Variants in SPATS2 observed in about 807,000 individuals in gnomAD.
The protein encoded by SPATS2 is spermatogenesis-associated serine-rich protein 2.
Under a neutral mutation model 63.7 loss-of-function variants are expected in SPATS2, and 38 were observed. That is an observed-to-expected ratio of 0.60 (90% CI 0.46 to 0.78). The LOEUF (loss-of-function observed/expected upper bound fraction) is 0.78, where lower values mean the gene tolerates loss of function less well. SPATS2 is among the 30% of genes least tolerant of loss of function. The probability of loss-of-function intolerance (pLI) is 0.00; values close to 1 mark genes in which losing one functional copy is unlikely to be tolerated. For missense variants in SPATS2, 588 were observed against 666.2 expected (o/e 0.88, Z 1.29); for synonymous variants, 207 against 232.9 (o/e 0.89, Z 1.01).
At chr12:49,449,256 C>T (rs2137599553) in intron 2 of SPATS2, among the ~76,000 whole-genome samples, 1 of 152,288 alleles carries the variant, frequency 6.6e-6, no homozygotes, top group Middle Eastern at 3.4e-3. Context: ...CGCTCTGTCG[C>T]CCAAGCTGGA....
chr12:49,409,498 G>T (rs11838204), intron 2 of SPATS2, among the ~76,000 whole-genome samples: 2,263 of 151,214 alleles, frequency 0.015, 57 homozygotes, highest in African/African-American at 0.052. Context: ...GTAGAGATGG[G>T]GTTTCACTGT....
intron 2 of SPATS2, among the ~76,000 whole-genome samples, chr12:49,436,151 T>C (rs1404171730): frequency 6.6e-6 from 1 of 151,908 alleles, no homozygotes; most frequent in Non-Finnish European, 1.5e-5. Flanking sequence ...CTCAATGAGC[T>C]GTTGAGTACA....
Position 49,408,786 on chromosome 12 carries a change from CCT to C in SPATS2, c.-244+37498_-244+37499del, listed in dbSNP as rs1325361774. Among the ~76,000 whole-genome samples the C allele has an allele frequency of 2.0e-4, 31 of 152,164 alleles. No homozygotes were observed. In the South Asian group the frequency reaches 5.2e-3, roughly 26 times the overall value. On this transcript the variant is annotated intron_variant, in intron 2 of 13. Transcript: ENST00000552918. ...GGCCAGGCTGGTCTCGAACTCCTGACCTCAGGTGATCCACCCACCTCGGCTTC... is the reference window on the plus strand; with the variant it reads ...GGCCAGGCTGGTCTCGAACTCCTGACCAGGTGATCCACCCACCTCGGCTTC...
chr12:49,518,022 C>T (rs1327897426), intron 10 of SPATS2, among the ~76,000 whole-genome samples: 1 of 152,176 alleles, frequency 6.6e-6, no homozygotes, highest in Non-Finnish European at 1.5e-5. Flanking sequence ...TCCAAAGTCT[C>T]ATCTAGTTAG....
At chr12:49,463,711 TAAA>T (rs1389597016) in intron 3 of SPATS2, 1 of 152,356 alleles carries the variant, frequency 6.6e-6, no homozygotes, top group South Asian at 2.1e-4. Flanking sequence ...TATACTACAT[TAAA>T]AAGAAGGGTC....
At chr12:49,457,728 CG>C (rs1565731804) in intron 2 of SPATS2, among the ~76,000 whole-genome samples, 2 of 152,112 alleles carry the variant, frequency 1.3e-5, no homozygotes, top group African/African-American at 4.8e-5. Context: ...CCACCATGCC[CG>C]GCCTCATCCT....
chr12:49,431,309 C>T (rs533076131), intron 2 of SPATS2, among the ~76,000 whole-genome samples: 4 of 152,032 alleles, frequency 2.6e-5, no homozygotes, highest in South Asian at 2.1e-4. Context: ...AGTGCAGTGG[C>T]GCGATCTTGG....
chr12:49,400,797 T>C (rs1162337479), intron 2 of SPATS2, among the ~76,000 whole-genome samples: 1 of 152,238 alleles, frequency 6.6e-6, no homozygotes, highest in Non-Finnish European at 1.5e-5. Flanking sequence ...TTGATTGTCA[T>C]GCTGAGCTAA....
rs1375522169 is a variant in SPATS2 at position 49,460,929 on chromosome 12, T to C, written c.-84T>C. On this transcript the variant is annotated 5_prime_UTR_variant, in exon 3 of 14. Coordinates refer to ENST00000552918, the MANE Select transcript of SPATS2 (RefSeq NM_023071.4). ...ACTGCACACTTCCGTTGCCCACTTT[T>C]AAATCAGAGATACCTACACTCAAAA... is the stretch of plus-strand genomic sequence containing the variant. The C allele has an allele frequency of 9.1e-6, 14 of 1,544,750 alleles. No homozygotes were observed. In the East Asian group the frequency reaches 3.0e-4, roughly 33 times the overall value.
chr12:49,500,128 G>T lies in SPATS2; in HGVS notation c.762G>T (p.Arg254=). 2 of 1,611,158 alleles carry T rather than the reference G, an allele frequency of 1.2e-6. No homozygotes were observed. Among genetic ancestry groups the T allele is most frequent in the Non-Finnish European group, 1.7e-6 (2 of 1,178,972 alleles). ...DLQRCTVSLA[R]YRVVVKEEMD... ...AGCGCTGCACAGTGTCTCTTGCACGGTATCGAGTTGTAGTTAAAGAAGAGA... is the reference window on the plus strand; with the variant it reads ...AGCGCTGCACAGTGTCTCTTGCACGTTATCGAGTTGTAGTTAAAGAAGAGA... The change falls in exon 9 of 14, where the codon CGG becomes CGT. Residue 254 remains arginine, a synonymous_variant. Transcript: ENST00000552918.
At chr12:49,441,678 C>T (rs1250534040) in intron 2 of SPATS2, 4 of 152,118 alleles carry the variant, frequency 2.6e-5, no homozygotes, top group African/African-American at 4.8e-5. Flanking sequence ...CAATTCTTAA[C>T]GTATGTACCG....
intron 3 of SPATS2, among the ~76,000 whole-genome samples, chr12:49,477,739 T>A (rs1298885191): frequency 2.0e-5 from 3 of 152,204 alleles, no homozygotes. Context: ...TCCTACAAAA[T>A]GGCATTTGGA....
chr12:49,427,360 C>G (rs1565716256), intron 2 of SPATS2, among the ~76,000 whole-genome samples: 1 of 152,158 alleles, frequency 6.6e-6, no homozygotes, highest in Non-Finnish European at 1.5e-5. Context: ...TAATCCATAT[C>G]ATTGCATATA....
intron 10 of SPATS2, among the ~76,000 whole-genome samples, chr12:49,515,643 T>C (rs921591943): frequency 6.6e-5 from 10 of 152,236 alleles, no homozygotes; most frequent in Non-Finnish European, 2.9e-5. Context: ...AGTCCATTAT[T>C]TTATCTGTAT....
chr12:49,416,010 A>G (rs1334349430), intron 2 of SPATS2, among the ~76,000 whole-genome samples: 2 of 150,666 alleles, frequency 1.3e-5, no homozygotes, highest in Non-Finnish European at 2.9e-5. Context: ...TGTTAAGACC[A>G]AACATTTTAC....
rs755894757 is a variant in SPATS2, at chr12:49,496,892, A to G, written c.586A>G (p.Ile196Val). Reference protein sequence around the residue: ...FETKSLTMHSIHNSQQPRNAA... With the variant: ...FETKSLTMHSVHNSQQPRNAA... ...GACCAAGTCTTTGACTATGCACTCT[A>G]TTCACAATTCTCAACAACCCAGGAA... Residue 196 changes from isoleucine to valine, a missense_variant, in exon 8 of 14, where the codon ATT becomes GTT. By Grantham distance (29) the Ile-to-Val change is conservative. Coordinates refer to ENST00000552918, the MANE Select transcript of SPATS2 (RefSeq NM_023071.4). 9.9e-6 allele frequency: 16 copies of G among 1,614,074 alleles called. No individual in the cohort carries two copies. The highest frequency in any genetic ancestry group is 1.4e-5 in the Non-Finnish European group (16 of 1,179,990).
At chr12:49,478,624 CT>C (rs1195850740) in intron 3 of SPATS2, among the ~76,000 whole-genome samples, 1 of 152,154 alleles carries the variant, frequency 6.6e-6, no homozygotes, top group Non-Finnish European at 1.5e-5. Context: ...CTTGAGTTTA[CT>C]TTTTAGGAGA....
At chr12:49,444,199 A>ATTTAAGT (rs1334055196) in intron 2 of SPATS2, among the ~76,000 whole-genome samples, 2 of 148,738 alleles carry the variant, frequency 1.3e-5, no homozygotes, top group Admixed American at 1.3e-4. Context: ...ATTCCTAAGT[A>ATTTAAGT]TTTAAGTTTT....
At chr12:49,449,732 A>G (rs1367585207) in intron 2 of SPATS2, among the ~76,000 whole-genome samples, 3 of 152,222 alleles carry the variant, frequency 2.0e-5, no homozygotes, top group East Asian at 1.9e-4. Flanking sequence ...TTATAAAACC[A>G]TCAGATCTCT....
Sources: allele counts gnomAD v4.1 joint callset (sites outside exome capture counted in the v4.1 genomes callset), GRCh38; gene constraint gnomAD v4.1.1; transcripts MANE v1.5; gene names NCBI Gene and HGNC (gene_info 2026-07-23, HGNC 2026-07-21).